The following SOCS2 variants were observed in gnomAD, a reference collection of about 807,000 sequenced individuals.
The protein encoded by SOCS2 is CIS-2.
Under a neutral mutation model 18.6 loss-of-function variants are expected in SOCS2, and 10 were observed. That is an observed-to-expected ratio of 0.54 (90% CI 0.33 to 0.91). The LOEUF is 0.91. SOCS2 is among the 40% of genes least tolerant of loss of function. The pLI is 0.02. For missense variants in SOCS2, 231 were observed against 247.2 expected (o/e 0.93, Z 0.44); for synonymous variants, 104 against 104.0 (o/e 1.00, Z 0.00).
At position 93,573,491 on chromosome 12, in the gene SOCS2, C is replaced by T. The variant is rs544561633; in HGVS notation, c.139+455C>T. On this transcript the variant is annotated intron_variant, in intron 1 of 1. Coordinates refer to ENST00000551556, the MANE Select transcript of SOCS2 (RefSeq NM_001270471.2). The stretch of plus-strand genomic sequence containing the variant: ...CTTGGCGGCCAAGTTCAGGGACTGA[C>T]ACTGCCGCGAGGGCGGCTGCCCGGG... 7 of 299,582 alleles carry T rather than the reference C, an allele frequency of 2.3e-5. No homozygotes were observed. The South Asian group carries it at 9.7e-4, about 42-fold the overall frequency. The allele number at this position is 299,582 out of a possible 1,614,324, so 18.6% of individuals were successfully genotyped here.
At chr12:93,588,418 A>G (rs1954597049), downstream of SOCS2, among the ~76,000 whole-genome samples, 2 of 152,170 alleles carry the variant, frequency 1.3e-5, no homozygotes, top group African/African-American at 4.8e-5. Flanking sequence ...TTTTGTTTTT[A>G]TTTTATGATT....
In SOCS2 at chr12:93,575,310, T is replaced by G. The variant is rs565328605; in HGVS notation, c.*131T>G. On this transcript the variant is annotated 3_prime_UTR_variant, in exon 2 of 2. Coordinates refer to ENST00000551556, the MANE Select transcript of SOCS2 (RefSeq NM_001270471.2). ...CTAAGAACAGCTGAAGCTAATCTAA[T>G]TTAAATTTAACAGCTTGAAGAGGTA... is the stretch of plus-strand genomic sequence containing the variant. The G allele has an allele frequency of 3.2e-6, 2 of 616,030 alleles. No homozygotes were observed. Among genetic ancestry groups the G allele is most frequent in the East Asian group, 6.0e-5 (2 of 33,308 alleles). 38.2% of individuals were successfully genotyped at this position (616,030 alleles called of 1,614,324 possible).
At chr12:93,577,066 A>G (rs1322075730), downstream of SOCS2, among the ~76,000 whole-genome samples, 1 of 152,160 alleles carries the variant, frequency 6.6e-6, no homozygotes, top group Non-Finnish European at 1.5e-5. Flanking sequence ...GCTTTGTGGA[A>G]TTTCTTTAAA....
At chr12:93,593,808 C>G in the SOCS2 span, among the ~76,000 whole-genome samples, 1 of 152,172 alleles carries the variant, frequency 6.6e-6, no homozygotes, top group Non-Finnish European at 1.5e-5. Flanking sequence ...AAACAAAAAT[C>G]AAACCGAACC....
At chr12:93,580,059 A>G (rs1361682604), downstream of SOCS2, among the ~76,000 whole-genome samples, 1 of 152,162 alleles carries the variant, frequency 6.6e-6, no homozygotes, top group Non-Finnish European at 1.5e-5. Context: ...AGAAAAGGAA[A>G]TATCGCCAGC....
chr12:93,609,714 G>A, the SOCS2 span, among the ~76,000 whole-genome samples: 1 of 152,208 alleles, frequency 6.6e-6, no homozygotes, highest in African/African-American at 2.4e-5. Context: ...AGTAATTTAT[G>A]ACTGTTCCCT....
At chr12:93,614,730 C>T in the SOCS2 span, among the ~76,000 whole-genome samples, 136 of 150,510 alleles carry the variant, frequency 9.0e-4, no homozygotes, top group African/African-American at 2.9e-3. Context: ...ATTCTCCTGC[C>T]TCAGACCCCG....
At chr12:93,615,258 C>A in the SOCS2 span, among the ~76,000 whole-genome samples, 17 of 152,320 alleles carry the variant, frequency 1.1e-4, no homozygotes, top group Non-Finnish European at 2.2e-4. Context: ...GTTCATTGTT[C>A]ATTCCCAGAG....
the SOCS2 span, among the ~76,000 whole-genome samples, chr12:93,623,090 C>A: frequency 6.6e-6 from 1 of 152,194 alleles, no homozygotes; most frequent in Non-Finnish European, 1.5e-5. Flanking sequence ...CCACCCAAGT[C>A]TCATCTCGAA....
At chr12:93,588,966 T>A in the SOCS2 span, among the ~76,000 whole-genome samples, 2 of 152,086 alleles carry the variant, frequency 1.3e-5, no homozygotes, top group Non-Finnish European at 2.9e-5. Context: ...AAAGCAGGGG[T>A]AGGGGTACGC....
the SOCS2 span, among the ~76,000 whole-genome samples, chr12:93,588,488 ATG>A: frequency 6.6e-6 from 1 of 152,180 alleles, no homozygotes; most frequent in African/African-American, 2.4e-5. Context: ...ACACCAGAGG[ATG>A]TGAGTCAAAA....
At chr12:93,574,155 T>C (rs1268517939) in intron 1 of SOCS2, 2 of 151,354 alleles carry the variant, frequency 1.3e-5, no homozygotes, top group East Asian at 3.9e-4. Context: ...AACAAGTACA[T>C]AGCAGTGCTT....
downstream of SOCS2, among the ~76,000 whole-genome samples, chr12:93,579,679 G>A (rs1437707918): frequency 6.6e-6 from 1 of 152,058 alleles, no homozygotes; most frequent in Middle Eastern, 3.2e-3. Flanking sequence ...TCCTCTGTGT[G>A]GCTTGAGTTC....
the SOCS2 span, among the ~76,000 whole-genome samples, chr12:93,614,918 G>C: frequency 1.4e-3 from 202 of 148,800 alleles, no homozygotes; most frequent in Non-Finnish European, 2.1e-3. Context: ...CCGGCGCCTT[G>C]TATGTAGCAA....
the SOCS2 span, among the ~76,000 whole-genome samples, chr12:93,610,940 T>C: frequency 5.9e-5 from 9 of 152,200 alleles, no homozygotes; most frequent in Non-Finnish European, 2.9e-5. Flanking sequence ...CACAATATCA[T>C]ACTAATGGCC....
chr12:93,577,648 A>C (rs1431390009), downstream of SOCS2, among the ~76,000 whole-genome samples: 1 of 151,120 alleles, frequency 6.6e-6, no homozygotes, highest in Non-Finnish European at 1.5e-5. Context: ...ACTGCTGTTC[A>C]ACCAGATCAA....
At chr12:93,605,384 A>G in the SOCS2 span, among the ~76,000 whole-genome samples, 1 of 152,010 alleles carries the variant, frequency 6.6e-6, no homozygotes, top group Non-Finnish European at 1.5e-5. Context: ...ATACTTAACC[A>G]CTCCTGAAGG....
intron 1 of SOCS2, among the ~76,000 whole-genome samples, chr12:93,582,399 A>G (rs937072017): frequency 2.0e-5 from 3 of 152,288 alleles, no homozygotes; most frequent in African/African-American, 7.2e-5. Context: ...GTTTTATATC[A>G]TCCCTCTGGA....
chr12:93,584,684 C>A (rs1445815108), downstream of SOCS2, among the ~76,000 whole-genome samples: 5 of 152,224 alleles, frequency 3.3e-5, no homozygotes, highest in East Asian at 9.6e-4. Flanking sequence ...ACTTTGATTT[C>A]AGAAGTAATG....
Sources: gnomAD v4.1 joint callset for allele counts (sites outside exome capture counted in the v4.1 genomes callset) on GRCh38, gnomAD v4.1.1 for gene constraint, MANE v1.5 for transcripts, NCBI Gene and HGNC (gene_info 2026-07-23, HGNC 2026-07-21) for gene names.